The following DHX9 variants were observed in gnomAD, a reference collection of about 807,000 sequenced individuals.
DHX9 encodes the protein DExH-box helicase 9, also known as ATP-dependent RNA helicase A.
DHX9 carries 27 observed loss-of-function variants against 148.7 expected under a neutral mutation model. The ratio of observed to expected loss-of-function variants is 0.18; its 90% CI spans 0.13 to 0.25. The LOEUF (loss-of-function observed/expected upper bound fraction) is 0.25. Among genes scored for constraint, DHX9 ranks in the 10% least tolerant of loss-of-function variants. The pLI is 1.00. For missense variants in DHX9, 796 were observed against 1,559.6 expected (o/e 0.51, Z 8.25); for synonymous variants, 529 against 516.6 (o/e 1.02, Z -0.33).
intron 3 of DHX9, among the ~76,000 whole-genome samples, chr1:182,849,211 A>T (rs1026081268): frequency 2.6e-5 from 4 of 152,000 alleles, no homozygotes; most frequent in Non-Finnish European, 5.9e-5. Context: ...ATATTTTAAA[A>T]TTTTTTTTGC....
intron 14 of DHX9, among the ~76,000 whole-genome samples, chr1:182,871,344 ATC>A (rs1158828511): frequency 6.6e-6 from 1 of 152,234 alleles, no homozygotes; most frequent in Non-Finnish European, 1.5e-5. Flanking sequence ...ACTGCTTTAT[ATC>A]TGTTTATTTA....
intron 12 of DHX9, among the ~76,000 whole-genome samples, chr1:182,860,597 G>A (rs1362582573): frequency 6.6e-6 from 1 of 152,106 alleles, no homozygotes; most frequent in African/African-American, 2.4e-5. Flanking sequence ...AAACTCAATC[G>A]AAGTTCATAA....
At chr1:182,867,591 C>G (rs1426012389) in intron 14 of DHX9, among the ~76,000 whole-genome samples, 1 of 152,054 alleles carries the variant, frequency 6.6e-6, no homozygotes, top group Non-Finnish European at 1.5e-5. Flanking sequence ...TCAGTAAAGA[C>G]TGGGTTTCAT....
At chr1:182,884,152 T>C (rs1462253810) in intron 26 of DHX9, among the ~76,000 whole-genome samples, 1 of 152,108 alleles carries the variant, frequency 6.6e-6, no homozygotes, top group Non-Finnish European at 1.5e-5. Flanking sequence ...CGCACACCTG[T>C]AGTCCCAGCT....
intron 14 of DHX9, 111 bp downstream of exon 14, chr1:182,867,154 G>A: frequency 1.1e-5 from 7 of 632,626 alleles, no homozygotes; most frequent in Non-Finnish European, 1.3e-5. Context: ...TCAAAACCAT[G>A]AACTTCAGTC....
At chr1:182,873,338 T>A (rs1343642395) in intron 15 of DHX9, among the ~76,000 whole-genome samples, 1 of 152,126 alleles carries the variant, frequency 6.6e-6, no homozygotes, top group East Asian at 1.9e-4. Context: ...AGAATTATGG[T>A]ACATTCTAAT....
chr1:182,884,669 C>T lies in DHX9; in HGVS notation c.3317C>T (p.Ala1106Val), dbSNP rs866402947. Residue 1106 changes from alanine (A) to valine (V), a missense_variant, in exon 27 of 28, where the codon GCC (alanine) becomes GTC (valine). Ala to Val is a moderately conservative substitution (Grantham distance 64). Coordinates refer to ENST00000367549, the MANE Select transcript of DHX9 (RefSeq NM_001357.5). ...GCCTGTATCACTGGTCTCCGGGCAG[C>T]CATGGAGGCTTTGGTTGTTGAAGTA... Reference protein sequence around the residue: ...AAACITGLRAAMEALVVEVTK... With the variant: ...AAACITGLRAVMEALVVEVTK... 1 of 1,614,134 alleles carries T rather than the reference C, an allele frequency of 6.2e-7. No homozygotes were observed. The highest frequency in any genetic ancestry group is 1.7e-4 in the Middle Eastern group (1 of 6,060).
Position 182,876,239 on chromosome 1 carries a change from C to T in DHX9, c.2005C>T (p.His669Tyr), listed in dbSNP as rs1438469032. The T allele has an allele frequency of 1.2e-6, 2 of 1,613,602 alleles. No individual in the cohort carries two copies. The highest frequency in any genetic ancestry group is 3.3e-5 in the Admixed American group (2 of 59,964). Residue 669 changes from histidine to tyrosine, a missense_variant, in exon 17 of 28, where the codon CAT becomes TAT. Physicochemically the swap from His to Tyr is moderately conservative, Grantham distance 83 (BLOSUM62 2). Coordinates refer to ENST00000367549, the MANE Select transcript of DHX9 (RefSeq NM_001357.5). ...GAATCTGATTTATACTATGCAGAAG[C>T]ATTTGGAAATGAATCCACATTTTGG... Reference protein sequence around the residue: ...GWNLIYTMQKHLEMNPHFGSH... With the variant: ...GWNLIYTMQKYLEMNPHFGSH...
chr1:182,850,699 TTAGA>T (rs781309332), intron 3 of DHX9, among the ~76,000 whole-genome samples: 95 of 152,304 alleles, frequency 6.2e-4, no homozygotes, highest in Non-Finnish European at 1.1e-3. Flanking sequence ...GTATTTTTGT[TTAGA>T]TAGTTACATG....
chr1:182,883,417 C>T (rs756599520), intron 25 of DHX9, 49 bp downstream of exon 25: 5 of 1,586,228 alleles, frequency 3.2e-6, no homozygotes, highest in South Asian at 2.2e-5. Context: ...ATTGTCTTTA[C>T]AATCATTAGG....
At chr1:182,880,689 C>A in intron 22 of DHX9, 81 bp downstream of exon 22, 1 of 889,536 alleles carries the variant, frequency 1.1e-6, no homozygotes, top group South Asian at 1.6e-5. Flanking sequence ...GCAGTATTGG[C>A]TCAGATAGAC....
chr1:182,887,793 T>A lies in DHX9; in HGVS notation c.*359T>A. The A allele has an allele frequency of 5.0e-6, 1 of 200,890 alleles. No individual in the cohort carries two copies. The highest frequency in any genetic ancestry group is 1.1e-4 in the East Asian group (1 of 9,078). The allele number at this position is 200,890 out of a possible 1,614,324, so 12.4% of individuals were successfully genotyped here. A position where few individuals can be genotyped will look rare whatever the true frequency, so the allele number is the denominator to read the frequency against. On this transcript the variant is annotated 3_prime_UTR_variant, in exon 28 of 28. Coordinates refer to ENST00000367549, the MANE Select transcript of DHX9 (RefSeq NM_001357.5). The stretch of plus-strand genomic sequence containing the variant: ...TTTGTTGACCTCGTATGTTAGAAAA[T>A]TTTACAATGCCAGCTACATCTGTTG...
chr1:182,866,753 T>G (rs1358918724), intron 13 of DHX9, among the ~76,000 whole-genome samples, 168 bp downstream of exon 13: 1 of 152,222 alleles, frequency 6.6e-6, no homozygotes, highest in African/African-American at 2.4e-5. Flanking sequence ...ATATACCCAT[T>G]AGATCTTGTA....
chr1:182,839,947 C>G (rs541860644), intron 1 of DHX9: 21 of 152,140 alleles, frequency 1.4e-4, no homozygotes, highest in Admixed American at 1.4e-3. Flanking sequence ...TAAGGCGTCT[C>G]GAAGGAGGGA....
intron 24 of DHX9, among the ~76,000 whole-genome samples, chr1:182,882,124 C>A (rs1649110863): frequency 6.6e-6 from 1 of 152,142 alleles, no homozygotes; most frequent in South Asian, 2.1e-4. Context: ...TTTTTAAAGG[C>A]TGTAATTGGA....
intron 7 of DHX9, among the ~76,000 whole-genome samples, chr1:182,857,634 G>A (rs944236187): frequency 6.6e-6 from 1 of 152,194 alleles, no homozygotes; most frequent in Non-Finnish European, 1.5e-5. Context: ...AGGCAGAGTT[G>A]AGTAGTTGTG....
At chr1:182,886,094 A>G (rs899793409) in intron 27 of DHX9, among the ~76,000 whole-genome samples, 3 of 152,254 alleles carry the variant, frequency 2.0e-5, no homozygotes, top group African/African-American at 4.8e-5. Context: ...GGTAGAATCA[A>G]TAGGAATTGG....
At chr1:182,872,249 A>C (rs937099408) in intron 14 of DHX9, 88 bp from the exon 15 acceptor site, 1 of 1,057,624 alleles carries the variant, frequency 9.5e-7, no homozygotes, top group African/African-American at 1.6e-5. Flanking sequence ...AATTTAATTG[A>C]TGTCTTATGG....
chr1:182,848,771 T>G (rs903197467), intron 3 of DHX9, among the ~76,000 whole-genome samples: 2 of 152,222 alleles, frequency 1.3e-5, no homozygotes, highest in African/African-American at 2.4e-5. Flanking sequence ...GGTACTGGAA[T>G]CTGCTTGACT....
Sources: allele counts gnomAD v4.1 joint callset (sites outside exome capture counted in the v4.1 genomes callset), GRCh38; gene constraint gnomAD v4.1.1; transcripts MANE v1.5; gene names NCBI Gene and HGNC (gene_info 2026-07-23, HGNC 2026-07-21).